SIDT2: variants seen among roughly 807,000 people sequenced by gnomAD.
The protein encoded by SIDT2 is SID1 transmembrane family, member 2.
SIDT2 carries 68 observed loss-of-function variants against 114.4 expected under a neutral mutation model. The observed-to-expected ratio is 0.59, with a 90% confidence interval of 0.49 to 0.73. SIDT2 has a LOEUF of 0.73. Ranked by LOEUF, SIDT2 falls within the 30% of genes least tolerant of loss-of-function variation. The pLI, the probability that SIDT2 is intolerant of heterozygous loss-of-function variation, is 0.00. For synonymous variants in SIDT2, 470 were observed against 438.4 expected (o/e 1.07, Z -0.90); for missense variants, 918 against 1,097.1 (o/e 0.84, Z 2.31).
Position 117,196,909 on chromosome 11 carries a change from GTGCCATTGACAC to G in SIDT2, c.*848_*859del, listed in dbSNP as rs1322440427. On this transcript the variant is annotated 3_prime_UTR_variant, in exon 26 of 26. Transcript: ENST00000324225. This position sits in a 1 kb window ranked among gnomAD's most constrained non-coding sequence, Gnocchi z 4.9. ...CCAAACCCCAGCTGGTGGCCTTTCA[GTGCCATTGACAC>G]TGCCCAAGAATGTCCAGGGGCAAAG... 1 of 152,760 alleles carries G rather than the reference GTGCCATTGACAC, an allele frequency of 6.5e-6. No individual in the cohort carries two copies. Among genetic ancestry groups the G allele is most frequent in the Non-Finnish European group, 1.5e-5 (1 of 68,132 alleles). 9.5% of individuals were successfully genotyped at this position (152,760 alleles called of 1,614,324 possible). A position where few individuals can be genotyped will look rare whatever the true frequency, so the allele number is the denominator to read the frequency against.
At position 117,190,172 on chromosome 11, in the gene SIDT2, C is replaced by T. The variant is rs2030647348; in HGVS notation, c.1500C>T (p.Phe500=). ...CTTGTGTTGCCCCTTCTAGCGCCTTCAACAACATCCTCAGCAACCTGGGGT... is the reference window on the plus strand; with the variant it reads ...CTTGTGTTGCCCCTTCTAGCGCCTTTAACAACATCCTCAGCAACCTGGGGT... ...CAHPLGNLSA[F]NNILSNLGYI... is the part of the protein sequence containing the mutation. Residue 500 remains phenylalanine (F), a synonymous_variant, in exon 17 of 26, where the codon TTC becomes TTT. Coordinates refer to ENST00000324225, the MANE Select transcript of SIDT2 (RefSeq NM_001040455.2). This position sits in a 1 kb window ranked among gnomAD's most constrained non-coding sequence, Gnocchi z 4.1. 1 of 1,580,708 alleles carries T rather than the reference C, an allele frequency of 6.3e-7. No homozygotes were observed. The highest frequency in any genetic ancestry group is 8.6e-7 in the Non-Finnish European group (1 of 1,162,934).
chr11:117,184,349 G>A (rs1156956121), intron 8 of SIDT2, among the ~76,000 whole-genome samples: 6 of 152,182 alleles, frequency 3.9e-5, no homozygotes, highest in South Asian at 2.1e-4. Flanking sequence ...CATGACTAAA[G>A]ATGGAAGAAC....
chr11:117,179,195 C>T lies in SIDT2; in HGVS notation c.-69C>T, dbSNP rs1311334746. On this transcript the variant is annotated 5_prime_UTR_variant, in exon 1 of 26. Transcript: ENST00000324225. Reference sequence around the variant, plus strand: ...CTGCGGCCGCAGCCGCAACCCGTCCCGGAGGTGTCCTGTCTCCTGTCGCCG... The same window carrying T: ...CTGCGGCCGCAGCCGCAACCCGTCCTGGAGGTGTCCTGTCTCCTGTCGCCG... 9 of 1,494,544 alleles carry T rather than the reference C, an allele frequency of 6.0e-6. No homozygotes were observed. Among genetic ancestry groups the T allele is most frequent in the Middle Eastern group, 2.2e-4 (1 of 4,454 alleles). 92.6% of individuals were successfully genotyped at this position (1,494,544 alleles called of 1,614,324 possible).
chr11:117,191,109 C>T (rs61703672), intron 18 of SIDT2: 18,400 of 160,882 alleles, frequency 0.11, 1,636 homozygotes, highest in African/African-American at 0.26. Context: ...AACCCCGTCT[C>T]TACTAAAAAT....
intron 1 of SIDT2, among the ~76,000 whole-genome samples, chr11:117,180,855 G>C (rs1369041987): frequency 6.6e-6 from 1 of 152,112 alleles, no homozygotes; most frequent in African/African-American, 2.4e-5. Flanking sequence ...GAGAAGTTGA[G>C]GCTTAGAGAA....
Position 117,196,919 on chromosome 11 carries a change from C to T in SIDT2, c.*853C>T, listed in dbSNP as rs537810276. ...GCTGGTGGCCTTTCAGTGCCATTGA[C>T]ACTGCCCAAGAATGTCCAGGGGCAA... On this transcript the variant is annotated 3_prime_UTR_variant, in exon 26 of 26. Transcript: ENST00000324225. This position sits in a 1 kb window ranked among gnomAD's most constrained non-coding sequence, Gnocchi z 4.9. The T allele has an allele frequency of 6.5e-6, 1 of 152,746 alleles. No individual in the cohort carries two copies. Among genetic ancestry groups the T allele is most frequent in the African/African-American group, 2.4e-5 (1 of 41,462 alleles). The allele number at this position is 152,746 out of a possible 1,614,324, so 9.5% of individuals were successfully genotyped here. A position where few individuals can be genotyped will look rare whatever the true frequency, so the allele number is the denominator to read the frequency against.
intron 23 of SIDT2, 32 bp from the exon 24 acceptor site, chr11:117,193,821 T>C: frequency 1.3e-6 from 2 of 1,549,668 alleles, no homozygotes; most frequent in Non-Finnish European, 1.8e-6. Flanking sequence ...GGGTAAGCCC[T>C]CAGACTGCTG....
chr11:117,196,133 C>CT lies in SIDT2; in HGVS notation c.*68dup. On this transcript the variant is annotated 3_prime_UTR_variant, in exon 26 of 26. Coordinates refer to ENST00000324225, the MANE Select transcript of SIDT2 (RefSeq NM_001040455.2). The surrounding 1 kb of genome is among the most constrained non-coding windows in gnomAD (Gnocchi z 4.9). ...TCCTTTGTGTCATAGACCGGTCACT[C>CT]TGTCGTGCTGTGGGGATGAGTCCCA... The CT allele has an allele frequency of 6.2e-7, 1 of 1,602,308 alleles. No individual in the cohort carries two copies. The highest frequency in any genetic ancestry group is 1.3e-5 in the African/African-American group (1 of 74,872).
In SIDT2 at chr11:117,182,776, G is replaced by A. The variant is rs766907325; in HGVS notation, c.672G>A (p.Thr224=). The A allele has an allele frequency of 5.0e-6, 8 of 1,614,046 alleles. No homozygotes were observed. The highest frequency in any genetic ancestry group is 1.1e-5 in the South Asian group (1 of 91,072). Residue 224 remains threonine, a synonymous_variant, in exon 6 of 26, where the codon ACG becomes ACA. Coordinates refer to ENST00000324225, the MANE Select transcript of SIDT2 (RefSeq NM_001040455.2). ...NNVAFIGMYQ[T]MTKKAAITVQ... is the part of the protein sequence containing the mutation. ...TAGCCTTCATCGGCATGTACCAGACGATGACCAAGAAGGCGGCCATCACCG... is the reference window on the plus strand; with the variant it reads ...TAGCCTTCATCGGCATGTACCAGACAATGACCAAGAAGGCGGCCATCACCG...
Position 117,190,626 on chromosome 11 carries a change from T to C in SIDT2, c.1621T>C (p.Cys541Arg). The change falls in exon 18 of 26, where the codon TGT becomes CGT. Residue 541 changes from cysteine (C) to arginine (R), a missense_variant. Physicochemically the swap from Cys to Arg is radical, Grantham distance 180. This residue lies in a region of SIDT2 where 72 missense variants were observed against 59.9 expected (regional missense o/e 1.20). Coordinates refer to ENST00000324225, the MANE Select transcript of SIDT2 (RefSeq NM_001040455.2). This position sits in a 1 kb window ranked among gnomAD's most constrained non-coding sequence, Gnocchi z 4.1. ...LLRNDLCALE[C>R]GIPKHFGLFY... ...CCCTTCTCTCTCTCCCCAACAGGAA[T>C]GTGGGATCCCCAAACACTTTGGGCT... 1.3e-6 allele frequency: 2 copies of C among 1,577,588 alleles called. No homozygotes were observed. Among genetic ancestry groups the C allele is most frequent in the South Asian group, 2.3e-5 (2 of 87,264 alleles).
Position 117,188,097 on chromosome 11 carries a change from G to A in SIDT2, c.1159+398G>A. The A allele has an allele frequency of 2.4e-6, 1 of 421,174 alleles. No homozygotes were observed. Among genetic ancestry groups the A allele is most frequent in the Non-Finnish European group, 4.7e-6 (1 of 213,410 alleles). 26.1% of individuals were successfully genotyped at this position (421,174 alleles called of 1,614,324 possible). A position where few individuals can be genotyped will look rare whatever the true frequency, so the allele number is the denominator to read the frequency against. ...AATTGCCCGCTCTTGTGTCTTCTGA[G>A]ATAGCAGCAGAGCACAGGCTCCTTT... On this transcript the variant is annotated intron_variant, in intron 12 of 25. Transcript: ENST00000324225. The surrounding 1 kb of genome is among the most constrained non-coding windows in gnomAD (Gnocchi z 4.0).
chr11:117,181,351 T>C (rs1591765153), intron 1 of SIDT2, 65 bp from the exon 2 acceptor site: 15 of 1,346,842 alleles, frequency 1.1e-5, no homozygotes, highest in East Asian at 2.4e-5. Context: ...GCAGGGCTCA[T>C]AGTCTCTGGA....
Position 117,181,414 on chromosome 11 carries a change from A to G in SIDT2, c.184-2A>G. On this transcript the variant is annotated splice_acceptor_variant, in intron 1 of 25. Transcript: ENST00000324225. LOFTEE classifies it high-confidence loss of function. ...GAGAGGCATTTCCATGTCGTTCTGC[A>G]GACAGAGGGCGTGCGTGTGTCTGTG... 6.2e-7 allele frequency: 1 copy of G among 1,613,454 alleles called. No homozygotes were observed. Among genetic ancestry groups the G allele is most frequent in the Non-Finnish European group, 8.5e-7 (1 of 1,179,936 alleles).
At chr11:117,185,173 C>G (rs2030448065) in intron 8 of SIDT2, among the ~76,000 whole-genome samples, 1 of 152,012 alleles carries the variant, frequency 6.6e-6, no homozygotes, top group Non-Finnish European at 1.5e-5. Context: ...CCTCAGCCTA[C>G]CGAGTAGCTG....
rs763385557 is a variant in SIDT2, at chr11:117,190,710, G to T, written c.1705G>T (p.Val569Leu). The T allele has an allele frequency of 1.9e-6, 3 of 1,613,934 alleles. No homozygotes were observed. The change falls in exon 18 of 26, where the codon GTG becomes TTG. Residue 569 changes from valine to leucine, a missense_variant. Val to Leu is a conservative substitution (Grantham distance 32). Coordinates refer to ENST00000324225, the MANE Select transcript of SIDT2 (RefSeq NM_001040455.2). This position sits in a 1 kb window ranked among gnomAD's most constrained non-coding sequence, Gnocchi z 4.1. Reference protein sequence around the residue: ...MEGLLSACYHVCPNYTNFQFD... With the variant: ...MEGLLSACYHLCPNYTNFQFD... ...GGGGCTGCTCAGTGCTTGCTATCATGTGTGCCCCAACTATACCAATTTCCA... is the reference window on the plus strand; with the variant it reads ...GGGGCTGCTCAGTGCTTGCTATCATTTGTGCCCCAACTATACCAATTTCCA...
chr11:117,184,875 G>A (rs560685979), intron 8 of SIDT2, among the ~76,000 whole-genome samples: 20 of 152,196 alleles, frequency 1.3e-4, no homozygotes, highest in Non-Finnish European at 2.2e-4. Flanking sequence ...ACAGGCACCT[G>A]CCGCCATGCC....
At position 117,188,966 on chromosome 11, in the gene SIDT2, G is replaced by GA. The variant is rs2030602566; in HGVS notation, c.1278+143dup. ...CAGCTGGGGCAGGGCAGATGCCGGG[G>GA]AAACTAACCTGACCTCCAACCCCTT... On this transcript the variant is annotated intron_variant, in intron 13 of 25. Coordinates refer to ENST00000324225, the MANE Select transcript of SIDT2 (RefSeq NM_001040455.2). The surrounding 1 kb of genome is among the most constrained non-coding windows in gnomAD (Gnocchi z 4.0). 9.8e-7 allele frequency: 1 copy of GA among 1,024,882 alleles called. No homozygotes were observed. Among genetic ancestry groups the GA allele is most frequent in the Admixed American group, 1.8e-5 (1 of 56,346 alleles). 63.5% of individuals were successfully genotyped at this position (1,024,882 alleles called of 1,614,324 possible). A position where few individuals can be genotyped will look rare whatever the true frequency, so the allele number is the denominator to read the frequency against.
chr11:117,179,263 C>G lies in SIDT2; in HGVS notation c.-1C>G. On this transcript the variant is annotated 5_prime_UTR_variant, in exon 1 of 26. Transcript: ENST00000324225. ...GCTGCCACTGCCGCCCTGCCGGGGCCATGTTCGCTCTGGGCTTGCCCTTCT... is the reference window on the plus strand; with the variant it reads ...GCTGCCACTGCCGCCCTGCCGGGGCGATGTTCGCTCTGGGCTTGCCCTTCT... The G allele has an allele frequency of 6.2e-7, 1 of 1,609,738 alleles. No homozygotes were observed. Among genetic ancestry groups the G allele is most frequent in the Non-Finnish European group, 8.5e-7 (1 of 1,177,780 alleles).
intron 15 of SIDT2, 189 bp from the exon 16 acceptor site, chr11:117,189,762 GA>G: frequency 1.6e-6 from 1 of 622,204 alleles, no homozygotes; most frequent in Non-Finnish European, 2.9e-6. Flanking sequence ...CACGCCTAAT[GA>G]GAGGGGACAG....
Sources: allele counts gnomAD v4.1 joint callset (sites outside exome capture counted in the v4.1 genomes callset), GRCh38; gene constraint gnomAD v4.1.1; regional missense constraint gnomAD v4.1.1; non-coding constraint Gnocchi (gnomAD v3.1); transcripts MANE v1.5; gene names NCBI Gene and HGNC (gene_info 2026-07-23, HGNC 2026-07-21).